Variants in RERE observed in about 807,000 individuals in gnomAD.
RERE encodes arginine-glutamic acid dipeptide repeats protein.
Under a neutral mutation model 146.1 loss-of-function variants are expected in RERE, and 40 were observed. The observed-to-expected ratio is 0.27, with a 90% CI of 0.21 to 0.36. The LOEUF is 0.36. Among genes scored for constraint, RERE ranks in the 10% least tolerant of loss-of-function variants. The probability of loss-of-function intolerance (pLI) is 1.00; values close to 1 mark genes in which losing one functional copy is unlikely to be tolerated. For synonymous variants in RERE, 1,003 were observed against 866.0 expected (o/e 1.16, Z -2.78); for missense variants, 1,933 against 2,138.7 (o/e 0.90, Z 1.90).
intron 6 of RERE, among the ~76,000 whole-genome samples, chr1:8,546,838 C>T (rs1430738801): frequency 3.4e-5 from 5 of 147,154 alleles, no homozygotes; most frequent in Non-Finnish European, 5.9e-5. Context: ...AGCAAGACTT[C>T]GTCTCAAAAC....
At chr1:8,454,110 G>A (rs935071100) in intron 11 of RERE, among the ~76,000 whole-genome samples, 2 of 152,192 alleles carry the variant, frequency 1.3e-5, no homozygotes, top group African/African-American at 4.8e-5. Context: ...CTCCCACTCT[G>A]GTGGAGTCTA....
chr1:8,587,731 CTCTT>C (rs1296178108), intron 4 of RERE, among the ~76,000 whole-genome samples: 2 of 152,236 alleles, frequency 1.3e-5, no homozygotes, highest in African/African-American at 4.8e-5. Flanking sequence ...CCCCACCACT[CTCTT>C]TACCAAACCA....
intron 1 of RERE, among the ~76,000 whole-genome samples, chr1:8,726,142 C>CTTTTCTTTTCTT (rs1639959755): frequency 9.3e-6 from 1 of 107,138 alleles, no homozygotes; most frequent in African/African-American, 3.8e-5. Context: ...TTCCTTTTTT[C>CTTTTCTTTTCTT]TTTTCTTTTT....
intron 11 of RERE, among the ~76,000 whole-genome samples, chr1:8,459,304 G>A (rs775717761): frequency 1.8e-4 from 27 of 152,062 alleles, no homozygotes; most frequent in Non-Finnish European, 3.4e-4. Flanking sequence ...ATGTACATAC[G>A]TGTAATATAT....
At chr1:8,684,031 A>T (rs1469708883) in intron 1 of RERE, among the ~76,000 whole-genome samples, 1 of 152,198 alleles carries the variant, frequency 6.6e-6, no homozygotes, top group Non-Finnish European at 1.5e-5. Flanking sequence ...TTCACATCAC[A>T]GGTTTTCCTT....
chr1:8,406,707 T>C (rs896153178), intron 12 of RERE, among the ~76,000 whole-genome samples: 9 of 152,210 alleles, frequency 5.9e-5, no homozygotes, highest in African/African-American at 2.2e-4. Flanking sequence ...AATAAATTTG[T>C]GTGTATCTGT....
Position 8,789,282 on chromosome 1 carries a change from C to CAAAAAAAAAAAAAA in RERE, c.-145+27864_-145+27877dup, listed in dbSNP as rs58993452. Among the ~76,000 whole-genome samples the CAAAAAAAAAAAAAA allele has an allele frequency of 4.4e-4, 17 of 38,496 alleles. 1 individual carries two copies. Among genetic ancestry groups the CAAAAAAAAAAAAAA allele is most frequent in the South Asian group, 1.2e-3 (1 of 860 alleles). The allele number at this position is 38,496 out of a possible 152,430, so 25.3% of individuals were successfully genotyped here. The stretch of plus-strand genomic sequence containing the variant: ...CAACACAGCAAGACCTCCTCTCTAC[C>CAAAAAAAAAAAAAA]AAAAAAAAAAAAAAAAAAAATATAT... On this transcript the variant is annotated intron_variant, in intron 1 of 22. Transcript: ENST00000400908.
intron 1 of RERE, among the ~76,000 whole-genome samples, chr1:8,667,097 C>T (rs1638592319): frequency 6.6e-6 from 1 of 152,146 alleles, no homozygotes; most frequent in Admixed American, 6.5e-5. Flanking sequence ...TCCTCATCTC[C>T]TTTGAGCTTT....
At chr1:8,592,837 A>G (rs1401499766) in intron 4 of RERE, among the ~76,000 whole-genome samples, 1 of 152,228 alleles carries the variant, frequency 6.6e-6, no homozygotes, top group Admixed American at 6.5e-5. Flanking sequence ...CAGAAATTCA[A>G]TTCATAAATT....
At chr1:8,762,262 C>G (rs1640769734) in intron 1 of RERE, among the ~76,000 whole-genome samples, 1 of 152,200 alleles carries the variant, frequency 6.6e-6, no homozygotes, top group African/African-American at 2.4e-5. Flanking sequence ...CATCGTCACC[C>G]TACTGGAAGA....
intron 2 of RERE, among the ~76,000 whole-genome samples, chr1:8,632,014 T>C (rs1453117329): frequency 2.0e-5 from 3 of 152,136 alleles, no homozygotes; most frequent in Admixed American, 6.5e-5. Flanking sequence ...TATCCTCAAT[T>C]TAACGACTCA....
chr1:8,506,300 C>T (rs928324333), intron 8 of RERE, among the ~76,000 whole-genome samples: 2 of 152,210 alleles, frequency 1.3e-5, no homozygotes, highest in African/African-American at 2.4e-5. Context: ...AACAAGCAGA[C>T]ACTGTCCTCC....
intron 1 of RERE, among the ~76,000 whole-genome samples, chr1:8,662,049 C>T (rs976644937): frequency 6.6e-6 from 1 of 152,124 alleles, no homozygotes; most frequent in African/African-American, 2.4e-5. Context: ...GAAGATTATA[C>T]ATCATCATTT....
chr1:8,537,969 T>C (rs900605549), intron 7 of RERE, among the ~76,000 whole-genome samples: 8 of 152,218 alleles, frequency 5.3e-5, no homozygotes, highest in Admixed American at 1.3e-4. Flanking sequence ...TAACAAAGTA[T>C]GGAAAATTAC....
intron 1 of RERE, among the ~76,000 whole-genome samples, chr1:8,765,140 C>T (rs1640822920): frequency 6.6e-6 from 1 of 152,152 alleles, no homozygotes; most frequent in Admixed American, 6.5e-5. Flanking sequence ...TGTGGCATAG[C>T]CACACAATGG....
chr1:8,548,356 T>C (rs1247663421), intron 6 of RERE, among the ~76,000 whole-genome samples: 1 of 151,872 alleles, frequency 6.6e-6, no homozygotes, highest in Non-Finnish European at 1.5e-5. Context: ...CACACACCCA[T>C]AAAATAAACA....
chr1:8,607,233 G>A (rs1441270237), intron 4 of RERE, among the ~76,000 whole-genome samples: 4 of 151,744 alleles, frequency 2.6e-5, no homozygotes, highest in African/African-American at 9.7e-5. Flanking sequence ...GGTGGCAGGC[G>A]CCTGTATTCC....
At chr1:8,663,756 C>A (rs1638508399) in intron 1 of RERE, among the ~76,000 whole-genome samples, 1 of 152,108 alleles carries the variant, frequency 6.6e-6, no homozygotes, top group Non-Finnish European at 1.5e-5. Flanking sequence ...GATTATGGGG[C>A]TGCCCCTTCA....
chr1:8,379,305 A>G (rs1390302403), intron 12 of RERE, among the ~76,000 whole-genome samples: 1 of 152,168 alleles, frequency 6.6e-6, no homozygotes. Context: ...CGCCCCGCAC[A>G]GCCTCCCATG....
Sources: allele counts gnomAD v4.1 joint callset (sites outside exome capture counted in the v4.1 genomes callset), GRCh38; gene constraint gnomAD v4.1.1; transcripts MANE v1.5; gene names NCBI Gene and HGNC (gene_info 2026-07-23, HGNC 2026-07-21).